The following UEVLD variants were observed in gnomAD, a reference collection of about 807,000 sequenced individuals.
UEVLD encodes UEV and lactate/malate dehyrogenase domains, also known as ubiquitin-conjugating enzyme E2 variant 3.
Under a neutral mutation model 58.6 loss-of-function variants are expected in UEVLD, and 47 were observed. The observed-to-expected ratio is 0.80, with a 90% CI of 0.63 to 1.02. The LOEUF (loss-of-function observed/expected upper bound fraction) is 1.02. Ranked by LOEUF, UEVLD falls within the 50% of genes least tolerant of loss-of-function variation. UEVLD has a pLI of 0.00. For synonymous variants in UEVLD, 197 were observed against 195.3 expected (o/e 1.01, Z -0.07); for missense variants, 510 against 550.6 (o/e 0.93, Z 0.74).
Position 18,560,316 on chromosome 11 carries a change from G to A in UEVLD, c.613-1986C>T, listed in dbSNP as rs189671655. Among the ~76,000 whole-genome samples, 178 of 151,908 alleles carry A rather than the reference G, an allele frequency of 1.2e-3. 1 individual carries two copies. The highest frequency in any genetic ancestry group is 5.2e-3 in the Admixed American group (79 of 15,240). ...ATTTTATTGCTAACCATACCCATAA[G>A]GAAAATGCAAAGAAAACTATGAGTT... On this transcript the variant is annotated intron_variant, in intron 6 of 11. Coordinates refer to ENST00000396197, the MANE Select transcript of UEVLD (RefSeq NM_001040697.4).
chr11:18,552,005 G>A (rs1359757474), intron 7 of UEVLD, among the ~76,000 whole-genome samples: 1 of 152,134 alleles, frequency 6.6e-6, no homozygotes, highest in Non-Finnish European at 1.5e-5. Context: ...AAATAATGAT[G>A]GGTAAATACC....
chr11:18,539,286 C>T (rs998458406), intron 9 of UEVLD: 1 of 151,634 alleles, frequency 6.6e-6, no homozygotes, highest in African/African-American at 2.4e-5. Context: ...CCAGGCTGGT[C>T]TCGATCTCCT....
At chr11:18,535,329 CT>C (rs1244313788) in intron 10 of UEVLD, among the ~76,000 whole-genome samples, 2 of 151,970 alleles carry the variant, frequency 1.3e-5, no homozygotes, top group African/African-American at 2.4e-5. Flanking sequence ...TTAGCTTTTT[CT>C]TTTAATATTT....
chr11:18,546,077 G>T (rs1851292540), intron 8 of UEVLD, among the ~76,000 whole-genome samples: 1 of 151,990 alleles, frequency 6.6e-6, no homozygotes. Flanking sequence ...TCTACATTGG[G>T]AACATTTAAA....
At chr11:18,586,773 TTC>T (rs1853581657) in intron 1 of UEVLD, among the ~76,000 whole-genome samples, 2 of 152,198 alleles carry the variant, frequency 1.3e-5, no homozygotes, top group Non-Finnish European at 2.9e-5. Context: ...ACTGACTTGT[TTC>T]TGATTGGTTT....
chr11:18,586,446 G>A (rs1853566666), intron 1 of UEVLD, among the ~76,000 whole-genome samples: 1 of 151,990 alleles, frequency 6.6e-6, no homozygotes, highest in Admixed American at 6.6e-5. Flanking sequence ...CGAACTCCTG[G>A]CCGCAGGTGA....
chr11:18,576,811 C>T (rs1298635103), intron 2 of UEVLD, among the ~76,000 whole-genome samples: 1 of 152,168 alleles, frequency 6.6e-6, no homozygotes, highest in Non-Finnish European at 1.5e-5. Context: ...GCACTCCTGG[C>T]TCACTGGCTT....
chr11:18,578,949 C>T (rs1853086857), intron 1 of UEVLD, 141 bp from the exon 2 acceptor site: 1 of 564,776 alleles, frequency 1.8e-6, no homozygotes, highest in East Asian at 3.3e-5. Context: ...CTCACTGCAA[C>T]CTCCGTCTCC....
At chr11:18,552,894 C>A (rs12225037) in intron 7 of UEVLD, among the ~76,000 whole-genome samples, 58,680 of 150,416 alleles carry the variant, frequency 0.39, 11,863 homozygotes, top group East Asian at 0.69. Context: ...GGTGGCTCAC[C>A]CCTGTAATCC....
At chr11:18,570,425 A>C (rs770501623) in intron 3 of UEVLD, 48 bp from the exon 4 acceptor site, 1 of 1,460,578 alleles carries the variant, frequency 6.8e-7, no homozygotes. Flanking sequence ...TAAAGCACAC[A>C]CATTATGATA....
chr11:18,544,584 C>G (rs200855646), intron 9 of UEVLD, 39 bp downstream of exon 9: 1 of 1,570,244 alleles, frequency 6.4e-7, no homozygotes, highest in African/African-American at 1.4e-5. Flanking sequence ...GAATTACAGG[C>G]ATGAGCCACC....
intron 6 of UEVLD, among the ~76,000 whole-genome samples, chr11:18,560,138 C>CACACACACACAGAG (rs368897951): frequency 8.6e-4 from 64 of 74,818 alleles, no homozygotes; most frequent in Non-Finnish European, 1.1e-3. Flanking sequence ...CACACACACA[C>CACACACACACAGAG]AGAGAGAGAA....
At chr11:18,566,699 C>T (rs1852320575) in intron 4 of UEVLD, among the ~76,000 whole-genome samples, 1 of 151,832 alleles carries the variant, frequency 6.6e-6, no homozygotes, top group Non-Finnish European at 1.5e-5. Context: ...TAGAGTTAGT[C>T]AAAAAGAAGC....
At chr11:18,558,087 C>G (rs1045559847) in intron 7 of UEVLD, 141 bp downstream of exon 7, 33 of 538,290 alleles carry the variant, frequency 6.1e-5, no homozygotes, top group Non-Finnish European at 9.8e-5. Flanking sequence ...AGTCATTTAA[C>G]TTATTTCAAT....
intron 7 of UEVLD, among the ~76,000 whole-genome samples, chr11:18,548,595 T>C (rs1288241504): frequency 6.6e-6 from 1 of 152,078 alleles, no homozygotes; most frequent in Non-Finnish European, 1.5e-5. Context: ...ACCCAGCTAA[T>C]TTTGTATTTT....
chr11:18,556,600 C>T (rs1366687103), intron 7 of UEVLD, among the ~76,000 whole-genome samples: 1 of 152,078 alleles, frequency 6.6e-6, no homozygotes, highest in Non-Finnish European at 1.5e-5. Context: ...TGTTATAATC[C>T]GACCTTACCC....
intron 7 of UEVLD, among the ~76,000 whole-genome samples, chr11:18,549,712 C>T (rs757268227): frequency 1.3e-5 from 2 of 152,108 alleles, no homozygotes; most frequent in African/African-American, 2.4e-5. Context: ...AGCCACTGTG[C>T]CCAGCCCCTA....
At chr11:18,536,025 T>C (rs1320591907) in intron 10 of UEVLD, among the ~76,000 whole-genome samples, 1 of 152,102 alleles carries the variant, frequency 6.6e-6, no homozygotes, top group Admixed American at 6.5e-5. Flanking sequence ...TTCCAGCTAC[T>C]TGGGACACTG....
rs537152561 is a variant in UEVLD, at chr11:18,535,357, A to T, written c.1125-904T>A. 2.0e-5 allele frequency among the ~76,000 whole-genome samples: 3 copies of T among 152,346 alleles called. No homozygotes were observed. In the East Asian group the frequency reaches 5.8e-4, roughly 29 times the overall value. ...TTAATATTTTATAGATATCTGCAGT[A>T]TCTGAAGTTTTATAATAAGCATACA... On this transcript the variant is annotated intron_variant, in intron 10 of 11. Transcript: ENST00000396197.
Sources: allele counts gnomAD v4.1 joint callset (sites outside exome capture counted in the v4.1 genomes callset), GRCh38; gene constraint gnomAD v4.1.1; transcripts MANE v1.5; gene names NCBI Gene and HGNC (gene_info 2026-07-23, HGNC 2026-07-21).